DNAH17: variants seen among roughly 807,000 people sequenced by gnomAD.
The protein encoded by DNAH17 is axonemal beta dynein heavy chain 17.
Under a neutral mutation model 485.6 loss-of-function variants are expected in DNAH17, and 376 were observed. The observed-to-expected ratio is 0.77, with a 90% CI of 0.71 to 0.84. DNAH17 has a LOEUF of 0.84. DNAH17 is among the 40% of genes least tolerant of loss of function. The pLI is 0.00. For synonymous variants in DNAH17, 3,031 were observed against 2,405.9 expected, an observed-to-expected ratio of 1.26 and a Z score of -7.60; for missense variants, 6,370 against 5,839.3, an observed-to-expected ratio of 1.09 and a Z score of -2.96.
chr17:78,572,741 G>C lies in DNAH17; in HGVS notation c.499C>G (p.His167Asp). The stretch of plus-strand genomic sequence containing the variant: ...AGCGTGCCATCCAGGCTGCCCAGGT[G>C]CTCCGGAATAGGCAGCAAGGTTTTG... Reference protein sequence around the residue: ...KGKTLLPIPEHLGSLDGTLES... With the variant: ...KGKTLLPIPEDLGSLDGTLES... Residue 167 changes from histidine to aspartate, a missense_variant, in exon 3 of 81, where the codon CAC (histidine) becomes GAC (aspartate). Transcript: ENST00000389840. 1.2e-6 allele frequency: 2 copies of C among 1,612,126 alleles called. No individual in the cohort carries two copies. The highest frequency in any genetic ancestry group is 1.7e-6 in the Non-Finnish European group (2 of 1,179,248).
intron 9 of DNAH17, 49 bp from the exon 10 acceptor site, chr17:78,567,215 C>T (rs117345200): frequency 0.036 from 55,416 of 1,550,174 alleles, 1,171 homozygotes; most frequent in Middle Eastern, 0.052. Flanking sequence ...ACCCAACTCA[C>T]GGGTCCAGTT....
At chr17:78,558,668 A>C (rs1448143256) in intron 13 of DNAH17, among the ~76,000 whole-genome samples, 1 of 152,144 alleles carries the variant, frequency 6.6e-6, no homozygotes, top group Non-Finnish European at 1.5e-5. Context: ...CATCATCCTA[A>C]TTTTCTTATC....
chr17:78,475,989 C>CA (rs2088999156), intron 52 of DNAH17, 156 bp from the exon 53 acceptor site: 1 of 783,998 alleles, frequency 1.3e-6, no homozygotes, highest in Admixed American at 2.9e-5. Context: ...GCCGTGGGCC[C>CA]AGCAAACCAC....
chr17:78,543,314 C>T (rs1243735500), intron 17 of DNAH17, among the ~76,000 whole-genome samples: 6 of 148,132 alleles, frequency 4.1e-5, no homozygotes, highest in Non-Finnish European at 5.9e-5. Context: ...GACGGAGTCT[C>T]GCTCTGTCGC....
intron 2 of DNAH17, among the ~76,000 whole-genome samples, chr17:78,573,739 G>A (rs1379274912): frequency 1.3e-5 from 2 of 152,140 alleles, no homozygotes; most frequent in African/African-American, 4.8e-5. Context: ...ATGTCCATCT[G>A]CAAGTCAAGG....
intron 22 of DNAH17, among the ~76,000 whole-genome samples, chr17:78,528,714 T>C (rs891798631): frequency 1.3e-5 from 2 of 151,926 alleles, no homozygotes; most frequent in African/African-American, 4.8e-5. Flanking sequence ...ACACACCCTC[T>C]CCATCCTCCC....
rs777476607 is a variant in DNAH17, at chr17:78,423,843, C to T, written c.*63G>A. 171 of 1,590,178 alleles carry T rather than the reference C, an allele frequency of 1.1e-4. No individual in the cohort carries two copies. The highest frequency in any genetic ancestry group is 2.1e-4 in the Admixed American group (12 of 58,468). ...TCCTGTAAAGAATAAGTCACAGGTG[C>T]ACAGGTGAAGGGCTGAGTTGTGGTC... On this transcript the variant is annotated 3_prime_UTR_variant, in exon 81 of 81. Transcript: ENST00000389840.
intron 44 of DNAH17, among the ~76,000 whole-genome samples, chr17:78,488,660 CACCCAGA>C (rs1196781970): frequency 6.6e-6 from 1 of 152,166 alleles, no homozygotes; most frequent in African/African-American, 2.4e-5. Flanking sequence ...AAAGAATGTC[CACCCAGA>C]ACCCAGAATG....
chr17:78,494,587 C>T lies in DNAH17; in HGVS notation c.6270+6G>A. The T allele has an allele frequency of 1.2e-6, 2 of 1,613,324 alleles. No individual in the cohort carries two copies. Among genetic ancestry groups the T allele is most frequent in the Non-Finnish European group, 1.7e-6 (2 of 1,179,750 alleles). Reference sequence around the variant, plus strand: ...CCGGACAGACCTGAGACCCAGGAGTCCCGACCTTTTCAAAATTCAGGTCCC... The same window carrying T: ...CCGGACAGACCTGAGACCCAGGAGTTCCGACCTTTTCAAAATTCAGGTCCC... On this transcript the variant is annotated splice_donor_region_variant and intron_variant, in intron 40 of 80. Coordinates refer to ENST00000389840, the MANE Select transcript of DNAH17 (RefSeq NM_173628.4).
At chr17:78,561,046 A>G (rs570285443) in intron 12 of DNAH17, 111 bp from the exon 13 acceptor site, 60 of 998,110 alleles carry the variant, frequency 6.0e-5, no homozygotes, top group Admixed American at 5.9e-4. Context: ...CGGCCACCCA[A>G]TTACTCGAGG....
At chr17:78,563,525 C>T (rs2092203919) in intron 11 of DNAH17, among the ~76,000 whole-genome samples, 1 of 152,158 alleles carries the variant, frequency 6.6e-6, no homozygotes, top group South Asian at 2.1e-4. Flanking sequence ...AGACAACCGA[C>T]ACACCTGTAA....
At chr17:78,445,322 G>A (rs556701123) in intron 70 of DNAH17, among the ~76,000 whole-genome samples, 5 of 152,186 alleles carry the variant, frequency 3.3e-5, no homozygotes, top group South Asian at 2.1e-4. Context: ...TCTGCTTGCT[G>A]TGTGCAGGTC....
rs1226007977 is a variant in DNAH17 at position 78,474,891 on chromosome 17, C to T, written c.8511+387G>A. On this transcript the variant is annotated intron_variant, in intron 54 of 80. Transcript: ENST00000389840. ...GATTTCACACCCTTCACCTCAGTCA[C>T]ATGGGCCGGGAGGTTTCACACGCTT... Among the ~76,000 whole-genome samples, 5 of 147,460 alleles carry T rather than the reference C, an allele frequency of 3.4e-5. No individual in the cohort carries two copies. In the South Asian group the frequency reaches 1.1e-3, roughly 31 times the overall value.
chr17:78,574,169 C>T (rs536088314), intron 2 of DNAH17, among the ~76,000 whole-genome samples: 16 of 152,282 alleles, frequency 1.1e-4, no homozygotes, highest in South Asian at 4.1e-4. Context: ...TTCAAGGGCA[C>T]GAGCACCACC....
intron 56 of DNAH17, among the ~76,000 whole-genome samples, chr17:78,464,802 C>A (rs2088333209): frequency 6.6e-6 from 1 of 152,242 alleles, no homozygotes; most frequent in Non-Finnish European, 1.5e-5. Flanking sequence ...TGATTGGAAA[C>A]CACCCCTCCC....
At chr17:78,566,492 T>TC (rs772877120) in intron 11 of DNAH17, 122 bp downstream of exon 11, 16 of 724,786 alleles carry the variant, frequency 2.2e-5, no homozygotes, top group Admixed American at 5.0e-5. Context: ...AGACGGGCCC[T>TC]CCCTCCCTGG....
intron 10 of DNAH17, 82 bp from the exon 11 acceptor site, chr17:78,566,812 A>G: frequency 7.4e-7 from 1 of 1,344,824 alleles, no homozygotes; most frequent in East Asian, 2.5e-5. Context: ...TGCCCTGCTG[A>G]GAGGACTCGG....
In DNAH17 at chr17:78,491,551, C is replaced by T. The variant is rs755074059; in HGVS notation, c.6561G>A (p.Met2187Ile). 1 of 1,614,032 alleles carries T rather than the reference C, an allele frequency of 6.2e-7. No individual in the cohort carries two copies. Among genetic ancestry groups the T allele is most frequent in the Admixed American group, 1.7e-5 (1 of 60,018 alleles). ...CATGGGTGATGTTGGCCAGGTCTCG[C>T]ATGATGGTGGAGAACAGGCCTGGGG... The part of the protein sequence containing the change: ...EWKDGLFSTI[M>I]RDLANITHDG... Residue 2187 changes from methionine (M) to isoleucine (I), a missense_variant, in exon 43 of 81, where the codon ATG becomes ATA. By Grantham distance (10) the Met-to-Ile change is conservative (BLOSUM62 1). Transcript: ENST00000389840.
intron 72 of DNAH17, 144 bp downstream of exon 72, chr17:78,440,907 C>T (rs926306033): frequency 5.9e-6 from 6 of 1,021,684 alleles, no homozygotes; most frequent in Non-Finnish European, 7.2e-6. Context: ...TTTTCCTGTT[C>T]TTGATCATTG....
Sources: allele counts gnomAD v4.1 joint callset (sites outside exome capture counted in the v4.1 genomes callset), GRCh38; gene constraint gnomAD v4.1.1; transcripts MANE v1.5; gene names NCBI Gene and HGNC (gene_info 2026-07-23, HGNC 2026-07-21).